The following KANK1 variants were observed in gnomAD, a reference collection of about 807,000 sequenced individuals.
The protein encoded by KANK1 is KN motif and ankyrin repeat domains 1, also known as KN motif and ankyrin repeat domain-containing protein 1.
KANK1 carries 109 observed loss-of-function variants against 106.2 expected under a neutral mutation model. The ratio of observed to expected loss-of-function variants is 1.03; its 90% CI spans 0.88 to 1.20. The LOEUF (loss-of-function observed/expected upper bound fraction) is 1.20. Among genes scored for constraint, KANK1 ranks in the 50% most tolerant of loss-of-function variants. The pLI is 0.00. For synonymous variants in KANK1, 873 were observed against 652.2 expected (o/e 1.34, Z -5.16); for missense variants, 2,399 against 1,710.7 (o/e 1.40, Z -7.10).
chr9:593,132 A>C (rs946367352), intron 1 of KANK1, among the ~76,000 whole-genome samples: 4 of 151,912 alleles, frequency 2.6e-5, no homozygotes, highest in African/African-American at 9.7e-5. Context: ...AAATTTGAAC[A>C]TTCCAGTGAC....
At chr9:616,790 C>G (rs138584325) in intron 1 of KANK1, among the ~76,000 whole-genome samples, 1 of 152,176 alleles carries the variant, frequency 6.6e-6, no homozygotes, top group Non-Finnish European at 1.5e-5. Flanking sequence ...CTGCTTATGT[C>G]GCTGCTGTTC....
intron 3 of KANK1, 56 bp from the exon 4 acceptor site, chr9:729,995 A>T: frequency 6.8e-7 from 1 of 1,464,812 alleles, no homozygotes; most frequent in East Asian, 2.3e-5. Context: ...TTTTTGTTGA[A>T]GCCTGCTTTT....
chr9:600,138 T>C (rs2135820632), intron 1 of KANK1, among the ~76,000 whole-genome samples: 1 of 151,858 alleles, frequency 6.6e-6, no homozygotes, highest in East Asian at 1.9e-4. Flanking sequence ...GCGCAACCAG[T>C]CTCTAAAACT....
chr9:709,578 A>G lies in KANK1; in HGVS notation c.38-1226A>G, dbSNP rs531573946. The stretch of plus-strand genomic sequence containing the variant: ...TATTCCAAGAGACTGTAGATGACCA[A>G]TGAAATTATCTACTGGACAATGCTT... On this transcript the variant is annotated intron_variant, in intron 2 of 11. Transcript: ENST00000382297. Among the ~76,000 whole-genome samples the G allele has an allele frequency of 3.0e-4, 45 of 151,362 alleles. 1 individual carries two copies. Among genetic ancestry groups the G allele is most frequent in the African/African-American group, 7.8e-4 (32 of 41,252 alleles).
intron 1 of KANK1, among the ~76,000 whole-genome samples, chr9:548,870 G>C (rs192742012): frequency 1.4e-3 from 210 of 152,198 alleles, no homozygotes; most frequent in Non-Finnish European, 2.5e-3. Context: ...CTTGAGTCCA[G>C]GAGTTCGAGA....
At chr9:543,815 T>C (rs938120714) in intron 1 of KANK1, among the ~76,000 whole-genome samples, 1 of 152,182 alleles carries the variant, frequency 6.6e-6, no homozygotes, top group Non-Finnish European at 1.5e-5. Context: ...CTCTAGTTAA[T>C]TTCTATGCCT....
chr9:575,133 T>C (rs1294290623), intron 1 of KANK1, among the ~76,000 whole-genome samples: 1 of 152,224 alleles, frequency 6.6e-6, no homozygotes, highest in African/African-American at 2.4e-5. Context: ...TTCTGACATA[T>C]TTCAATTAAA....
intron 1 of KANK1, among the ~76,000 whole-genome samples, chr9:552,261 C>T (rs138340940): frequency 2.7e-4 from 41 of 152,210 alleles, no homozygotes; most frequent in African/African-American, 9.2e-4. Flanking sequence ...TGTGTGATTA[C>T]TGTGGGAGAA....
intron 3 of KANK1, among the ~76,000 whole-genome samples, chr9:722,572 G>C (rs1313473674): frequency 6.6e-6 from 1 of 152,138 alleles, no homozygotes; most frequent in South Asian, 2.1e-4. Context: ...TGCATGCGGT[G>C]CCTACAACTA....
intron 1 of KANK1, among the ~76,000 whole-genome samples, chr9:563,308 A>G (rs990660360): frequency 1.3e-5 from 2 of 151,514 alleles, no homozygotes; most frequent in African/African-American, 2.4e-5. Context: ...AACTTTGTCT[A>G]TTTTTCTGTT....
chr9:572,095 T>A (rs1819327129), intron 1 of KANK1, among the ~76,000 whole-genome samples: 1 of 151,812 alleles, frequency 6.6e-6, no homozygotes, highest in African/African-American at 2.4e-5. Flanking sequence ...AAATGGAAAG[T>A]CAATGTTTTC....
intron 1 of KANK1, among the ~76,000 whole-genome samples, chr9:623,322 G>A (rs545636345): frequency 1.3e-5 from 2 of 152,234 alleles, no homozygotes; most frequent in African/African-American, 4.8e-5. Flanking sequence ...AGGTACGGTG[G>A]CTCATGCCTG....
chr9:716,886 G>T lies in KANK1; in HGVS notation c.2698+3422G>T, dbSNP rs142533545. On this transcript the variant is annotated intron_variant, in intron 3 of 11. Transcript: ENST00000382297. Reference sequence around the variant, plus strand: ...TCAGCTACTCAGGAAACTGAGGTAGGATGATCTCTTGAGCCCAGGAGGTTG... The same window carrying T: ...TCAGCTACTCAGGAAACTGAGGTAGTATGATCTCTTGAGCCCAGGAGGTTG... 1.6e-3 allele frequency among the ~76,000 whole-genome samples: 237 copies of T among 151,562 alleles called. 1 individual carries two copies. The highest frequency in any genetic ancestry group is 5.4e-3 in the African/African-American group (223 of 41,404).
chr9:675,966 G>C (rs987097096), intron 1 of KANK1, among the ~76,000 whole-genome samples: 3 of 152,170 alleles, frequency 2.0e-5, no homozygotes, highest in Non-Finnish European at 4.4e-5. Flanking sequence ...TCCTGACATT[G>C]CCATGGCATT....
chr9:722,158 A>G (rs1829500325), intron 3 of KANK1, among the ~76,000 whole-genome samples: 1 of 152,246 alleles, frequency 6.6e-6, no homozygotes, highest in Non-Finnish European at 1.5e-5. Context: ...TTTAACCTTA[A>G]AGCAAGGATG....
chr9:577,950 A>T (rs1821024513), intron 1 of KANK1, among the ~76,000 whole-genome samples: 1 of 152,128 alleles, frequency 6.6e-6, no homozygotes, highest in South Asian at 2.1e-4. Context: ...AAAGAGTGCT[A>T]GTTGTTGATC....
At chr9:661,194 A>G (rs557655867) in intron 1 of KANK1, among the ~76,000 whole-genome samples, 6 of 152,246 alleles carry the variant, frequency 3.9e-5, no homozygotes, top group African/African-American at 1.4e-4. Context: ...TTACGTATGC[A>G]TACATGTGCC....
At chr9:647,216 C>T (rs989546003) in intron 1 of KANK1, among the ~76,000 whole-genome samples, 1 of 150,660 alleles carries the variant, frequency 6.6e-6, no homozygotes, top group Non-Finnish European at 1.5e-5. Flanking sequence ...TTTTGGATTA[C>T]TTTATTTACT....
Position 705,539 on chromosome 9 carries a change from G to A in KANK1, c.38-5265G>A, listed in dbSNP as rs148598179. ...CAGACATCTCCTTTCTTCCCAGCATGTTGATAATTGGTGTGTGGTTGGGAG... is the reference window on the plus strand; with the variant it reads ...CAGACATCTCCTTTCTTCCCAGCATATTGATAATTGGTGTGTGGTTGGGAG... On this transcript the variant is annotated intron_variant, in intron 2 of 11. Coordinates refer to ENST00000382297, the MANE Select transcript of KANK1 (RefSeq NM_015158.5). Among the ~76,000 whole-genome samples, 836 of 151,392 alleles carry A rather than the reference G, an allele frequency of 5.5e-3. 9 individuals carry two copies. The highest frequency in any genetic ancestry group is 8.4e-3 in the Admixed American group (128 of 15,156).
Sources: gnomAD v4.1 joint callset for allele counts (sites outside exome capture counted in the v4.1 genomes callset) on GRCh38, gnomAD v4.1.1 for gene constraint, MANE v1.5 for transcripts, NCBI Gene and HGNC (gene_info 2026-07-23, HGNC 2026-07-21) for gene names.